Variants in SELPLG observed in about 807,000 individuals in gnomAD.
SELPLG encodes P-selectin glycoprotein ligand 1.
Under a neutral mutation model 1.1 loss-of-function variants are expected in SELPLG, and 2 were observed. The observed-to-expected ratio is 1.82, with a 90% CI of 0.74 to 5.71. The LOEUF (loss-of-function observed/expected upper bound fraction) is 5.71. SELPLG is among the 30% of genes most tolerant of loss of function. The probability of loss-of-function intolerance (pLI) is 0.05; values close to 1 mark genes in which losing one functional copy is unlikely to be tolerated. For synonymous variants in SELPLG, 230 were observed against 221.2 expected, an observed-to-expected ratio of 1.04 and a Z score of -0.35; for missense variants, 478 against 524.7, an observed-to-expected ratio of 0.91 and a Z score of 0.87.
At chr12:108,624,838 C>A (rs954053235) in intron 1 of SELPLG, among the ~76,000 whole-genome samples, 2 of 151,982 alleles carry the variant, frequency 1.3e-5, no homozygotes, top group African/African-American at 2.4e-5. Flanking sequence ...TACAGGCATG[C>A]ACAACCACAC....
chr12:108,632,870 C>T (rs2032086254), intron 1 of SELPLG, among the ~76,000 whole-genome samples: 1 of 152,126 alleles, frequency 6.6e-6, no homozygotes, highest in African/African-American at 2.4e-5. Flanking sequence ...ACAATAGTAT[C>T]TTAATTCTAA....
intron 1 of SELPLG, among the ~76,000 whole-genome samples, chr12:108,630,351 C>T (rs1224011938): frequency 6.6e-6 from 1 of 152,242 alleles, no homozygotes; most frequent in Non-Finnish European, 1.5e-5. Context: ...GAAAGATCCT[C>T]GTGGGGCTCC....
chr12:108,631,917 C>T, intron 1 of SELPLG: 2 of 1,535,610 alleles, frequency 1.3e-6, no homozygotes, highest in South Asian at 1.2e-5. Flanking sequence ...TGTTCAAGTT[C>T]AGCAAAGGAA....
chr12:108,623,606 A>G lies in SELPLG; in HGVS notation c.702T>C (p.Thr234=), dbSNP rs536887487. ...TCTGTGCCTCCGTGGCTTCTGGTGCAGTGGTCTGTGCCTCCATGGCTGTGG... is the reference window on the plus strand; with the variant it reads ...TCTGTGCCTCCGTGGCTTCTGGTGCGGTGGTCTGTGCCTCCATGGCTGTGG... The part of the protein sequence containing the change: ...TQTTAMEAQT[T]APEATEAQTT... The change falls in exon 2 of 2, where the codon ACT becomes ACC. Residue 234 remains threonine (T), a synonymous_variant. Coordinates refer to ENST00000550948, the MANE Select transcript of SELPLG (RefSeq NM_003006.4). 2.9e-5 allele frequency: 47 copies of G among 1,610,390 alleles called. No homozygotes were observed. The highest frequency in any genetic ancestry group is 3.7e-5 in the Non-Finnish European group (44 of 1,179,076).
chr12:108,623,119 T>C lies in SELPLG; in HGVS notation c.1189A>G (p.Arg397Gly), dbSNP rs2031851622. ...AKSPGLTPEPREDREGDDLTL... is the reference protein window; with the variant it reads ...AKSPGLTPEPGEDREGDDLTL... Reference sequence around the variant, plus strand: ...AGGTCATCCCCCTCACGGTCCTCCCTGGGCTCTGGCGTCAGGCCCGGGCTC... The same window carrying C: ...AGGTCATCCCCCTCACGGTCCTCCCCGGGCTCTGGCGTCAGGCCCGGGCTC... Residue 397 changes from arginine (R) to glycine (G), a missense_variant, in exon 2 of 2, where the codon AGG (arginine) becomes GGG (glycine). Coordinates refer to ENST00000550948, the MANE Select transcript of SELPLG (RefSeq NM_003006.4). 2 of 1,577,870 alleles carry C rather than the reference T, an allele frequency of 1.3e-6. No homozygotes were observed. Among genetic ancestry groups the C allele is most frequent in the Non-Finnish European group, 1.7e-6 (2 of 1,162,916 alleles).
chr12:108,627,140 C>T (rs139657920), intron 1 of SELPLG, among the ~76,000 whole-genome samples: 58 of 152,294 alleles, frequency 3.8e-4, no homozygotes, highest in African/African-American at 1.3e-3. Context: ...CCAAACTTTA[C>T]GATATTTGCA....
At chr12:108,625,429 A>G (rs2031920489) in intron 1 of SELPLG, among the ~76,000 whole-genome samples, 1 of 152,362 alleles carries the variant, frequency 6.6e-6, no homozygotes, top group African/African-American at 2.4e-5. Context: ...GGATGCATGC[A>G]AGACCCTTAG....
Position 108,622,625 on chromosome 12 carries a change from G to C in SELPLG, c.*444C>G, listed in dbSNP as rs1004313737. On this transcript the variant is annotated 3_prime_UTR_variant, in exon 2 of 2. Coordinates refer to ENST00000550948, the MANE Select transcript of SELPLG (RefSeq NM_003006.4). The stretch of plus-strand genomic sequence containing the variant: ...CCTTAGAATGTCCACTTCCTGTTTG[G>C]TGACCATGGCAACCAAAAGACAATG... 2 of 163,552 alleles carry C rather than the reference G, an allele frequency of 1.2e-5. No individual in the cohort carries two copies. Among genetic ancestry groups the C allele is most frequent in the Non-Finnish European group, 2.6e-5 (2 of 75,670 alleles). 10.1% of individuals were successfully genotyped at this position (163,552 alleles called of 1,614,324 possible). A position where few individuals can be genotyped will look rare whatever the true frequency, so the allele number is the denominator to read the frequency against.
At chr12:108,625,018 A>G (rs1263110145) in intron 1 of SELPLG, among the ~76,000 whole-genome samples, 3 of 152,188 alleles carry the variant, frequency 2.0e-5, no homozygotes, top group African/African-American at 7.2e-5. Context: ...TTCAAGTATT[A>G]CATTATTTAT....
At chr12:108,624,947 T>C (rs762689639) in intron 1 of SELPLG, among the ~76,000 whole-genome samples, 10 of 152,124 alleles carry the variant, frequency 6.6e-5, no homozygotes, top group African/African-American at 1.7e-4. Context: ...ACCTTGGCCT[T>C]CCACAGTTCT....
At chr12:108,633,230 G>T (rs957176573) in intron 1 of SELPLG, among the ~76,000 whole-genome samples, 2 of 152,196 alleles carry the variant, frequency 1.3e-5, no homozygotes, top group Admixed American at 6.5e-5. Context: ...GGAGGCTGGG[G>T]CTGGTGGGTC....
Position 108,624,308 on chromosome 12 carries a change from G to A in SELPLG, c.-1C>T, listed in dbSNP as rs778957623. The A allele has an allele frequency of 2.5e-6, 4 of 1,613,178 alleles. No homozygotes were observed. The Admixed American group carries it at 6.7e-5, about 27-fold the overall frequency. On this transcript the variant is annotated 5_prime_UTR_variant, in exon 2 of 2. Transcript: ENST00000550948. Reference sequence around the variant, plus strand: ...GCAACAGGAGGAGTTGCAGAGGCATGGCACCTAGGAGGAGACAATGGGCGG... The same window carrying A: ...GCAACAGGAGGAGTTGCAGAGGCATAGCACCTAGGAGGAGACAATGGGCGG...
At chr12:108,624,619 C>T (rs8179141) in intron 1 of SELPLG, among the ~76,000 whole-genome samples, 19,312 of 151,836 alleles carry the variant, frequency 0.13, 1,617 homozygotes, top group South Asian at 0.24. Context: ...GTGGACAAGA[C>T]AATCCACTGG....
At chr12:108,626,032 T>C (rs1331976143) in intron 1 of SELPLG, among the ~76,000 whole-genome samples, 1 of 152,150 alleles carries the variant, frequency 6.6e-6, no homozygotes, top group Non-Finnish European at 1.5e-5. Flanking sequence ...TCATCATTCC[T>C]CGGGTGACTG....
intron 1 of SELPLG, among the ~76,000 whole-genome samples, chr12:108,625,915 T>C (rs8179137): frequency 0.2 from 30,034 of 151,988 alleles, 3,156 homozygotes; most frequent in South Asian, 0.25. Flanking sequence ...CACACAACTT[T>C]TAGAATAGTG....
chr12:108,625,010 C>T (rs1053710584), intron 1 of SELPLG, among the ~76,000 whole-genome samples: 11 of 152,150 alleles, frequency 7.2e-5, no homozygotes, highest in African/African-American at 2.4e-4. Flanking sequence ...TTCTTAATTT[C>T]AAGTATTACA....
At chr12:108,633,627 C>A (rs779932232) in intron 1 of SELPLG, 113 bp downstream of exon 1, 1 of 152,368 alleles carries the variant, frequency 6.6e-6, no homozygotes, top group Non-Finnish European at 1.5e-5. Flanking sequence ...CCAGGTGCTG[C>A]AGCTCAAGAA....
At position 108,633,752 on chromosome 12, in the gene SELPLG, C is replaced by A. The variant is rs1378172695; in HGVS notation, c.-18G>T. 1 of 152,316 alleles carries A rather than the reference C, an allele frequency of 6.6e-6. No homozygotes were observed. The highest frequency in any genetic ancestry group is 1.5e-5 in the Non-Finnish European group (1 of 68,130). The allele number at this position is 152,316 out of a possible 1,614,324, so 9.4% of individuals were successfully genotyped here. A position where few individuals can be genotyped will look rare whatever the true frequency, so the allele number is the denominator to read the frequency against. On this transcript the variant is annotated 5_prime_UTR_variant, in exon 1 of 2. Transcript: ENST00000550948. ...AGCCAGCACTTACCACCGTGCTCAGCAGAGCATGGGACAGCTGCCTCGTGG... is the reference window on the plus strand; with the variant it reads ...AGCCAGCACTTACCACCGTGCTCAGAAGAGCATGGGACAGCTGCCTCGTGG...
chr12:108,623,008 C>T lies in SELPLG; in HGVS notation c.*61G>A. ...AGCTGTGGAATGGGGTCTGGGCACT[C>T]AGGGGTGGCCCAGGAGAGCCCGTGG... On this transcript the variant is annotated 3_prime_UTR_variant, in exon 2 of 2. Coordinates refer to ENST00000550948, the MANE Select transcript of SELPLG (RefSeq NM_003006.4). 1 of 1,437,438 alleles carries T rather than the reference C, an allele frequency of 7.0e-7. No individual in the cohort carries two copies. The highest frequency in any genetic ancestry group is 9.2e-7 in the Non-Finnish European group (1 of 1,089,172). 89.0% of individuals were successfully genotyped at this position (1,437,438 alleles called of 1,614,324 possible). A position where few individuals can be genotyped will look rare whatever the true frequency, so the allele number is the denominator to read the frequency against.
Sources: allele counts gnomAD v4.1 joint callset (sites outside exome capture counted in the v4.1 genomes callset), GRCh38; gene constraint gnomAD v4.1.1; transcripts MANE v1.5; gene names NCBI Gene and HGNC (gene_info 2026-07-23, HGNC 2026-07-21).